UGT8: variants seen among roughly 807,000 people sequenced by gnomAD.
The protein encoded by UGT8 is UDP glycosyltransferase 8.
In UGT8, 12 loss-of-function variants were observed where a neutral mutation model predicts 40.5. The ratio of observed to expected loss-of-function variants is 0.30; its 90% confidence interval spans 0.19 to 0.48. The LOEUF is 0.48. UGT8 is among the 20% of genes least tolerant of loss of function. The pLI is 0.99. For missense variants in UGT8, 513 were observed against 648.7 expected (o/e 0.79, Z 2.27); for synonymous variants, 224 against 240.4 (o/e 0.93, Z 0.63).
chr4:114,635,944 A>C (rs1018814221), intron 2 of UGT8, among the ~76,000 whole-genome samples: 2 of 152,186 alleles, frequency 1.3e-5, no homozygotes, highest in Non-Finnish European at 2.9e-5. Flanking sequence ...ATTATATACA[A>C]CTTTTCATAT....
At chr4:114,636,042 T>A (rs1431071469) in intron 2 of UGT8, among the ~76,000 whole-genome samples, 1 of 152,238 alleles carries the variant, frequency 6.6e-6, no homozygotes, top group Non-Finnish European at 1.5e-5. Context: ...TAGACTTGCT[T>A]AGTAATAACT....
At chr4:114,607,373 A>G (rs1730797740) in intron 1 of UGT8, among the ~76,000 whole-genome samples, 1 of 151,974 alleles carries the variant, frequency 6.6e-6, no homozygotes, top group Non-Finnish European at 1.5e-5. Flanking sequence ...GTCCTCAGTA[A>G]TCTCCTCCTT....
chr4:114,659,888 A>G lies in UGT8; in HGVS notation c.823-4107A>G, dbSNP rs564225448. 2.2e-4 allele frequency among the ~76,000 whole-genome samples: 34 copies of G among 152,364 alleles called. 1 individual carries two copies. The South Asian group carries it at 7.0e-3, about 32-fold the overall frequency. On this transcript the variant is annotated intron_variant, in intron 2 of 5. Coordinates refer to ENST00000310836, the MANE Select transcript of UGT8 (RefSeq NM_001128174.3). ...CTTTGGTATTGGCACAGAGATGGAT[A>G]GATCATTGGAACAGAATAGAATTCA...
At chr4:114,644,048 A>G (rs1172861929) in intron 2 of UGT8, among the ~76,000 whole-genome samples, 2 of 152,072 alleles carry the variant, frequency 1.3e-5, no homozygotes, top group Non-Finnish European at 2.9e-5. Flanking sequence ...TCTGAATCTA[A>G]TCTACACTGA....
At position 114,623,588 on chromosome 4, in the gene UGT8, G is replaced by T. The variant is rs770734767; in HGVS notation, c.708G>T (p.Gly236=). The T allele has an allele frequency of 6.2e-7, 1 of 1,614,104 alleles. No homozygotes were observed. The highest frequency in any genetic ancestry group is 1.7e-5 in the Admixed American group (1 of 60,012). ...PEKSMYDLVH[G]SSLWMLCTDV... is the part of the protein sequence containing the mutation. ...AGTCCATGTATGATTTGGTTCATGG[G>T]TCCAGCCTGTGGATGCTGTGTACTG... The change falls in exon 2 of 6, where the codon GGG becomes GGT. Residue 236 remains glycine, a synonymous_variant. Transcript: ENST00000310836.
intron 2 of UGT8, among the ~76,000 whole-genome samples, chr4:114,652,741 A>C (rs1733961848): frequency 6.6e-6 from 1 of 152,036 alleles, no homozygotes; most frequent in African/African-American, 2.4e-5. Context: ...TTGGCAGGTC[A>C]GTTCCTTTAG....
intron 2 of UGT8, among the ~76,000 whole-genome samples, chr4:114,637,028 G>A (rs919155873): frequency 7.2e-5 from 11 of 152,266 alleles, no homozygotes; most frequent in African/African-American, 2.6e-4. Flanking sequence ...TGAAATTGGA[G>A]GTCTAGTAAC....
At chr4:114,625,881 T>A (rs1447223874) in intron 2 of UGT8, among the ~76,000 whole-genome samples, 2 of 152,248 alleles carry the variant, frequency 1.3e-5, no homozygotes, top group African/African-American at 2.4e-5. Flanking sequence ...GGCTTGACTT[T>A]CTTTGTGGAG....
chr4:114,636,954 T>C lies in UGT8; in HGVS notation c.822+13252T>C, dbSNP rs75660582. Among the ~76,000 whole-genome samples, 1,098 of 152,310 alleles carry C rather than the reference T, an allele frequency of 7.2e-3. 16 individuals carry two copies. The highest frequency in any genetic ancestry group is 0.024 in the African/African-American group (1,017 of 41,554). ...GAGGGAAAAGACATTCATTCAACACTATGTGTTAATGGCTGATAGCAATTT... is the reference window on the plus strand; with the variant it reads ...GAGGGAAAAGACATTCATTCAACACCATGTGTTAATGGCTGATAGCAATTT... On this transcript the variant is annotated intron_variant, in intron 2 of 5. Transcript: ENST00000310836.
Position 114,605,745 on chromosome 4 carries a change from G to T in UGT8, c.-3+6771G>T, listed in dbSNP as rs577630625. On this transcript the variant is annotated intron_variant, in intron 1 of 5. Transcript: ENST00000310836. ...AAATATGCTATATGTTCTGTAATAG[G>T]TTCTTGAAAAGCTGTATATAAACTC... is the stretch of plus-strand genomic sequence containing the variant. Among the ~76,000 whole-genome samples, 50 of 152,168 alleles carry T rather than the reference G, an allele frequency of 3.3e-4. 2 individuals are homozygous for T. In the South Asian group the frequency reaches 0.01, roughly 32 times the overall value.
intron 5 of UGT8, among the ~76,000 whole-genome samples, chr4:114,673,932 G>A (rs904993708): frequency 6.6e-6 from 1 of 151,988 alleles, no homozygotes; most frequent in Admixed American, 6.6e-5. Flanking sequence ...TTTATTATTT[G>A]GTTGTAATTT....
intron 1 of UGT8, among the ~76,000 whole-genome samples, chr4:114,614,521 G>A (rs759598269): frequency 1.2e-4 from 18 of 152,092 alleles, no homozygotes; most frequent in Non-Finnish European, 2.1e-4. Flanking sequence ...TATTTTAAAA[G>A]CAAAAGTGAT....
chr4:114,628,536 T>C (rs961397155), intron 2 of UGT8, among the ~76,000 whole-genome samples: 1 of 151,776 alleles, frequency 6.6e-6, no homozygotes, highest in Non-Finnish European at 1.5e-5. Context: ...TGAACTAAAA[T>C]AGTCTTTTCT....
chr4:114,625,688 T>C (rs1732168836), intron 2 of UGT8, among the ~76,000 whole-genome samples: 1 of 152,124 alleles, frequency 6.6e-6, no homozygotes, highest in African/African-American at 2.4e-5. Flanking sequence ...GCATAGCATG[T>C]GATAATTTTT....
chr4:114,661,113 C>A (rs764493534), intron 2 of UGT8, among the ~76,000 whole-genome samples: 5 of 151,766 alleles, frequency 3.3e-5, no homozygotes, highest in African/African-American at 4.8e-5. Context: ...TGGTATATTT[C>A]TGTTAGGTTT....
chr4:114,649,483 C>CA (rs1733773686), intron 2 of UGT8, among the ~76,000 whole-genome samples: 1 of 152,178 alleles, frequency 6.6e-6, no homozygotes, highest in African/African-American at 2.4e-5. Flanking sequence ...CTGAGATAAG[C>CA]AGTCCAGGGT....
At chr4:114,630,133 G>A (rs900543807) in intron 2 of UGT8, among the ~76,000 whole-genome samples, 8 of 120,372 alleles carry the variant, frequency 6.6e-5, no homozygotes, top group African/African-American at 2.0e-4. Context: ...ATTTTGTGGT[G>A]TAAGCATGAG....
At chr4:114,636,953 CTA>C (rs1283514867) in intron 2 of UGT8, among the ~76,000 whole-genome samples, 6 of 152,192 alleles carry the variant, frequency 3.9e-5, no homozygotes, top group African/African-American at 1.4e-4. Flanking sequence ...TCATTCAACA[CTA>C]TGTGTTAATG....
intron 2 of UGT8, among the ~76,000 whole-genome samples, chr4:114,633,396 G>A (rs914291392): frequency 6.6e-6 from 1 of 152,196 alleles, no homozygotes; most frequent in African/African-American, 2.4e-5. Flanking sequence ...AGAAAGTGGA[G>A]AGAGCTGATG....
Sources: allele counts gnomAD v4.1 joint callset (sites outside exome capture counted in the v4.1 genomes callset), GRCh38; gene constraint gnomAD v4.1.1; transcripts MANE v1.5; gene names NCBI Gene and HGNC (gene_info 2026-07-23, HGNC 2026-07-21).